The following SUGCT variants were observed in gnomAD, a reference collection of about 807,000 sequenced individuals.
The protein encoded by SUGCT is succinyl-CoA:glutarate CoA-transferase.
SUGCT carries 41 observed loss-of-function variants against 55.0 expected under a neutral mutation model. The ratio of observed to expected loss-of-function variants is 0.74; its 90% CI spans 0.58 to 0.97. The LOEUF (loss-of-function observed/expected upper bound fraction) is 0.97, where lower values mean the gene tolerates loss of function less well. SUGCT is among the 50% of genes least tolerant of loss of function. The probability of loss-of-function intolerance (pLI) is 0.00; values close to 1 mark genes in which losing one functional copy is unlikely to be tolerated. For synonymous variants in SUGCT, 187 were observed against 200.4 expected, an observed-to-expected ratio of 0.93 and a Z score of 0.56; for missense variants, 568 against 547.8, an observed-to-expected ratio of 1.04 and a Z score of -0.37.
intron 12 of SUGCT, among the ~76,000 whole-genome samples, chr7:40,745,361 A>G (rs1271939921): frequency 6.6e-6 from 1 of 152,050 alleles, no homozygotes; most frequent in Non-Finnish European, 1.5e-5. Flanking sequence ...GTGCTATATT[A>G]CAAATTTTTT....
At chr7:40,204,147 A>T (rs115717751) in intron 6 of SUGCT, among the ~76,000 whole-genome samples, 1 of 150,962 alleles carries the variant, frequency 6.6e-6, no homozygotes, top group Admixed American at 6.6e-5. Flanking sequence ...CACCACCACA[A>T]CTGGCTAATT....
intron 9 of SUGCT, among the ~76,000 whole-genome samples, chr7:40,354,361 G>A (rs913505171): frequency 2.6e-5 from 4 of 152,088 alleles, no homozygotes; most frequent in African/African-American, 9.7e-5. Context: ...CTGTCACCTC[G>A]CCATACAGCC....
At chr7:40,139,423 C>T (rs766021969) in intron 1 of SUGCT, among the ~76,000 whole-genome samples, 6 of 152,302 alleles carry the variant, frequency 3.9e-5, no homozygotes, top group Admixed American at 6.5e-5. Flanking sequence ...GTCTCAAACT[C>T]CGGACCTCAG....
chr7:40,166,836 G>T (rs529142649), intron 1 of SUGCT, among the ~76,000 whole-genome samples: 33 of 149,996 alleles, frequency 2.2e-4, no homozygotes, highest in African/African-American at 7.6e-4. Flanking sequence ...GCAGTGAGCC[G>T]AGATTGCGCC....
chr7:40,391,370 TTACAATC>T lies in SUGCT; in HGVS notation c.817-57913_817-57907del, dbSNP rs1434661070. The stretch of plus-strand genomic sequence containing the variant: ...CAACCTACAGAATGGGAGAAAATTT[TTACAATC>T]TACCCGTCTGACAAAGGGCTAATAT... On this transcript the variant is annotated intron_variant, in intron 9 of 13. Coordinates refer to ENST00000335693, the MANE Select transcript of SUGCT (RefSeq NM_001193313.2). Among the ~76,000 whole-genome samples the T allele has an allele frequency of 1.2e-4, 18 of 152,210 alleles. No individual in the cohort carries two copies. In the South Asian group the frequency reaches 2.9e-3, roughly 25 times the overall value.
chr7:40,906,090 A>C, the SUGCT span, among the ~76,000 whole-genome samples: 1 of 151,870 alleles, frequency 6.6e-6, no homozygotes, highest in East Asian at 1.9e-4. Flanking sequence ...TTGTGCAACC[A>C]TCATCACCAT....
chr7:40,163,354 C>T (rs1451532874), intron 1 of SUGCT, among the ~76,000 whole-genome samples: 1 of 151,940 alleles, frequency 6.6e-6, no homozygotes, highest in Non-Finnish European at 1.5e-5. Flanking sequence ...ACCTGTAATC[C>T]CAGCACTTTG....
chr7:40,155,413 G>A (rs1007961668), intron 1 of SUGCT, among the ~76,000 whole-genome samples: 1 of 152,082 alleles, frequency 6.6e-6, no homozygotes, highest in East Asian at 1.9e-4. Context: ...ATGCATGTGA[G>A]CTTATGGTGG....
At chr7:40,260,676 G>A (rs1272555840) in intron 7 of SUGCT, among the ~76,000 whole-genome samples, 3 of 152,056 alleles carry the variant, frequency 2.0e-5, no homozygotes, top group East Asian at 3.9e-4. Context: ...TTTTGAGATG[G>A]TGTCTCACTC....
intron 1 of SUGCT, among the ~76,000 whole-genome samples, chr7:40,144,083 T>G (rs1788122885): frequency 1.3e-5 from 2 of 152,266 alleles, no homozygotes; most frequent in Middle Eastern, 6.8e-3. Context: ...AGCTCTACAC[T>G]GGGGGGCAAG....
chr7:40,704,845 G>A (rs1034139334), intron 12 of SUGCT, among the ~76,000 whole-genome samples: 1 of 152,144 alleles, frequency 6.6e-6, no homozygotes, highest in Non-Finnish European at 1.5e-5. Flanking sequence ...TTTCACAGAC[G>A]GTAAAGCTGA....
rs1789759184 is a variant in SUGCT at position 40,245,417 on chromosome 7, ATATATATT to A, written c.576+7693_576+7700del. 7.6e-5 allele frequency among the ~76,000 whole-genome samples: 2 copies of A among 26,170 alleles called. 1 individual carries two copies. Among genetic ancestry groups the A allele is most frequent in the Admixed American group, 1.2e-3 (2 of 1,726 alleles). The allele number at this position is 26,170 out of a possible 152,430, so 17.2% of individuals were successfully genotyped here. ...GTACGTAGTAGACATATATATATAT[ATATATATT>A]TTTTTTTTTTTTTTTTTTTTTTTTT... is the stretch of plus-strand genomic sequence containing the variant. On this transcript the variant is annotated intron_variant, in intron 7 of 13. Coordinates refer to ENST00000335693, the MANE Select transcript of SUGCT (RefSeq NM_001193313.2).
intron 8 of SUGCT, among the ~76,000 whole-genome samples, chr7:40,289,343 C>T (rs1793575771): frequency 6.6e-6 from 1 of 152,096 alleles, no homozygotes; most frequent in Non-Finnish European, 1.5e-5. Context: ...TAGTACCAAA[C>T]CCTATAAATA....
intron 12 of SUGCT, among the ~76,000 whole-genome samples, chr7:40,644,056 G>A (rs776543939): frequency 6.6e-6 from 1 of 152,116 alleles, no homozygotes; most frequent in East Asian, 1.9e-4. Context: ...TCAGATACTA[G>A]CCACATTCTC....
intron 13 of SUGCT, among the ~76,000 whole-genome samples, chr7:40,836,838 T>C (rs1247057840): frequency 6.6e-6 from 1 of 152,210 alleles, no homozygotes; most frequent in Non-Finnish European, 1.5e-5. Flanking sequence ...ACAACACCTT[T>C]GTTTAACTGT....
intron 9 of SUGCT, among the ~76,000 whole-genome samples, chr7:40,350,644 T>G (rs949548209): frequency 6.6e-6 from 1 of 152,020 alleles, no homozygotes; most frequent in Admixed American, 6.6e-5. Flanking sequence ...TATATTTAGA[T>G]TTTTAAAAAA....
intron 1 of SUGCT, among the ~76,000 whole-genome samples, chr7:40,165,610 CA>C (rs1291050533): frequency 2.6e-5 from 4 of 152,164 alleles, no homozygotes; most frequent in African/African-American, 9.7e-5. Context: ...GCCTTGTAAT[CA>C]TCCCCTACTC....
chr7:40,200,177 C>G (rs1001868462), intron 6 of SUGCT, among the ~76,000 whole-genome samples: 4 of 152,112 alleles, frequency 2.6e-5, no homozygotes, highest in Non-Finnish European at 1.5e-5. Flanking sequence ...CTTTCCTACC[C>G]CCAAACAACT....
chr7:40,373,279 T>C (rs1784375522), intron 9 of SUGCT, among the ~76,000 whole-genome samples: 1 of 151,990 alleles, frequency 6.6e-6, no homozygotes, highest in Non-Finnish European at 1.5e-5. Context: ...ATAATTAATA[T>C]ATAGAATTCA....
Sources: gnomAD v4.1 joint callset for allele counts (sites outside exome capture counted in the v4.1 genomes callset) on GRCh38, gnomAD v4.1.1 for gene constraint, MANE v1.5 for transcripts, NCBI Gene and HGNC (gene_info 2026-07-23, HGNC 2026-07-21) for gene names.